Variants in DPP6 observed in about 807,000 individuals in gnomAD.
DPP6 encodes dipeptidyl peptidase like 6, also known as A-type potassium channel modulatory protein DPP6.
In DPP6, 69 loss-of-function variants were observed where a neutral mutation model predicts 122.6. The observed-to-expected ratio is 0.56, with a 90% CI of 0.46 to 0.69. The LOEUF is 0.69. Ranked by LOEUF, DPP6 falls within the 30% of genes least tolerant of loss-of-function variation. The pLI, the probability that DPP6 is intolerant of heterozygous loss-of-function variation, is 0.00. For synonymous variants in DPP6, 418 were observed against 433.1 expected, an observed-to-expected ratio of 0.97 and a Z score of 0.43; for missense variants, 928 against 1,116.9, an observed-to-expected ratio of 0.83 and a Z score of 2.41.
upstream of DPP6, among the ~76,000 whole-genome samples, chr7:154,052,125 G>A (rs1226056480): frequency 6.6e-6 from 1 of 150,834 alleles, no homozygotes; most frequent in African/African-American, 2.4e-5. The surrounding 1 kb of genome is among the most constrained non-coding windows in gnomAD (Gnocchi z 4.8). Flanking sequence ...GGCACTCGCA[G>A]CACTACCTTC....
chr7:153,826,659 C>A, the DPP6 span, among the ~76,000 whole-genome samples: 1 of 152,144 alleles, frequency 6.6e-6, no homozygotes, highest in African/African-American at 2.4e-5. Flanking sequence ...TAAGTATTAT[C>A]ACCCTGATTA....
intron 1 of DPP6, among the ~76,000 whole-genome samples, chr7:154,168,987 AAAAAC>A (rs1295702025): frequency 1.3e-5 from 2 of 152,218 alleles, no homozygotes; most frequent in South Asian, 2.1e-4. Context: ...CAAAAAAACA[AAAAAC>A]AAAGCAAAGC....
rs1433942076 is a variant in DPP6 at position 154,305,037 on chromosome 7, CCCCA to C, written c.244-141176_244-141173del. 1.4e-3 allele frequency: 24 copies of C among 17,054 alleles called. No homozygotes were observed. In the East Asian group the frequency reaches 0.052, roughly 37 times the overall value. The allele number at this position is 17,054 out of a possible 1,614,324, so 1.1% of individuals were successfully genotyped here. A position where few individuals can be genotyped will look rare whatever the true frequency, so the allele number is the denominator to read the frequency against. On this transcript the variant is annotated intron_variant, in intron 1 of 25. Coordinates refer to ENST00000377770, the MANE Select transcript of DPP6 (RefSeq NM_130797.4). ...GCCCCCTCCCCAGCCCCAGCCCCAG[CCCCA>C]GCCCCAGCCCCAGCCCCAGCCCCAG...
At chr7:154,299,172 C>T (rs1341455557) in intron 1 of DPP6, among the ~76,000 whole-genome samples, 2 of 152,236 alleles carry the variant, frequency 1.3e-5, no homozygotes, top group Non-Finnish European at 2.9e-5. Flanking sequence ...AGACCCTTTC[C>T]TCTGTCTTCC....
At chr7:153,923,969 A>C (rs1329252854) in intron 1 of DPP6, among the ~76,000 whole-genome samples, 2 of 152,088 alleles carry the variant, frequency 1.3e-5, no homozygotes, top group African/African-American at 4.8e-5. Flanking sequence ...ATCACCAGGC[A>C]CACAAGACTC....
intron 21 of DPP6, among the ~76,000 whole-genome samples, chr7:154,883,389 C>CAT (rs1805617370): frequency 3.1e-5 from 1 of 32,518 alleles, no homozygotes; most frequent in Admixed American, 3.8e-4. Context: ...TACACCTGCT[C>CAT]ACACACACAC....
intron 6 of DPP6, among the ~76,000 whole-genome samples, chr7:154,668,545 T>C (rs1336830863): frequency 6.6e-6 from 1 of 151,924 alleles, no homozygotes; most frequent in Non-Finnish European, 1.5e-5. Flanking sequence ...AGCTAAGTGA[T>C]AGGGCGCTTA....
chr7:154,102,131 A>G (rs1021972494), intron 1 of DPP6, among the ~76,000 whole-genome samples: 1 of 151,860 alleles, frequency 6.6e-6, no homozygotes, highest in African/African-American at 2.4e-5. Context: ...TTGAGGCTTT[A>G]TGGGTGATGG....
chr7:154,052,918 C>A lies in DPP6; in HGVS notation c.98C>A (p.Pro33His). 6.7e-7 allele frequency: 1 copy of A among 1,499,056 alleles called. No homozygotes were observed. The highest frequency in any genetic ancestry group is 1.2e-5 in the South Asian group (1 of 82,910). The allele number at this position is 1,499,056 out of a possible 1,614,324, so 92.9% of individuals were successfully genotyped here. The stretch of plus-strand genomic sequence containing the variant: ...AGTCACCTCCTGGGCGGCCAGGGGC[C>A]CGAGGAGGACGGCGGCGCAGGAGCC... ...EASHLLGGQG[P>H]EEDGGAGAKP... The change falls in exon 1 of 26, where the codon CCC becomes CAC. Residue 33 changes from proline (P) to histidine (H), a missense_variant. Transcript: ENST00000377770. This position sits in a 1 kb window ranked among gnomAD's most constrained non-coding sequence, Gnocchi z 4.8.
the DPP6 span, among the ~76,000 whole-genome samples, chr7:153,834,218 C>T: frequency 6.6e-6 from 1 of 150,782 alleles, no homozygotes; most frequent in Non-Finnish European, 1.5e-5. Context: ...ACCCAGGAGG[C>T]AGAGGTTGCA....
intron 1 of DPP6, among the ~76,000 whole-genome samples, chr7:154,170,100 T>G (rs1245955079): frequency 6.6e-6 from 1 of 152,140 alleles, no homozygotes; most frequent in Non-Finnish European, 1.5e-5. Context: ...GGCCCTGAAT[T>G]CTGGCACCTA....
At chr7:154,011,078 C>G (rs1182896692) in intron 1 of DPP6, among the ~76,000 whole-genome samples, 1 of 152,160 alleles carries the variant, frequency 6.6e-6, no homozygotes, top group Non-Finnish European at 1.5e-5. Context: ...ATACCCCTAT[C>G]CCTCTCCTGT....
chr7:154,790,809 A>AGGAGGGAG (rs372646872), intron 10 of DPP6, among the ~76,000 whole-genome samples: 5 of 109,536 alleles, frequency 4.6e-5, no homozygotes, highest in African/African-American at 1.8e-4. Context: ...AAGGGAGGAA[A>AGGAGGGAG]GGAGGGAGGG....
chr7:154,749,928 C>T (rs372225997), intron 8 of DPP6, among the ~76,000 whole-genome samples: 2 of 58,264 alleles, frequency 3.4e-5, no homozygotes, highest in Non-Finnish European at 6.4e-5. Context: ...CTTTACTGAG[C>T]GAGGGTGAGA....
chr7:154,236,575 T>C (rs1303905137), intron 1 of DPP6, among the ~76,000 whole-genome samples: 1 of 152,190 alleles, frequency 6.6e-6, no homozygotes, highest in African/African-American at 2.4e-5. Flanking sequence ...CTAGGGAAGA[T>C]ATAGCCGTTT....
chr7:154,434,188 C>T (rs1180252967), intron 1 of DPP6, among the ~76,000 whole-genome samples: 1 of 152,102 alleles, frequency 6.6e-6, no homozygotes, highest in Non-Finnish European at 1.5e-5. Flanking sequence ...CTGGTATGTG[C>T]GACTTCATGA....
intron 1 of DPP6, among the ~76,000 whole-genome samples, chr7:154,196,314 AC>A (rs1051480268): frequency 3.9e-5 from 6 of 152,124 alleles, no homozygotes; most frequent in African/African-American, 1.4e-4. Flanking sequence ...ACATGGTGAA[AC>A]CCTGTCTCTA....
intron 1 of DPP6, among the ~76,000 whole-genome samples, chr7:153,975,197 A>G (rs546869648): frequency 1.0e-3 from 155 of 151,794 alleles, no homozygotes; most frequent in African/African-American, 3.6e-3. Flanking sequence ...AAGAAAATGT[A>G]GTGGAAGAAA....
intron 1 of DPP6, among the ~76,000 whole-genome samples, chr7:153,896,955 T>A (rs1426839564): frequency 1.3e-5 from 2 of 152,258 alleles, no homozygotes; most frequent in Non-Finnish European, 2.9e-5. Flanking sequence ...GGTTCTGTTT[T>A]GTTATTTTTC....
Sources: gnomAD v4.1 joint callset for allele counts (sites outside exome capture counted in the v4.1 genomes callset) on GRCh38, gnomAD v4.1.1 for gene constraint, Gnocchi (gnomAD v3.1) non-coding constraint, MANE v1.5 for transcripts, NCBI Gene and HGNC (gene_info 2026-07-23, HGNC 2026-07-21) for gene names.